Variants in ZZEF1 observed in about 807,000 individuals in gnomAD.
ZZEF1 encodes the protein zinc finger ZZ-type and EF-hand domain containing 1.
A neutral mutation model predicts 342.8 loss-of-function variants in ZZEF1; 157 were observed. The observed-to-expected ratio is 0.46, with a 90% CI of 0.40 to 0.52. The LOEUF (loss-of-function observed/expected upper bound fraction) is 0.52. Ranked by LOEUF, ZZEF1 falls within the 20% of genes least tolerant of loss-of-function variation. The probability of loss-of-function intolerance (pLI) is 0.00; values close to 1 mark genes in which losing one functional copy is unlikely to be tolerated. For synonymous variants in ZZEF1, 1,505 were observed against 1,429.1 expected, an observed-to-expected ratio of 1.05 and a Z score of -1.20; for missense variants, 3,480 against 3,725.6, an observed-to-expected ratio of 0.93 and a Z score of 1.72.
In ZZEF1 at chr17:4,048,873, ATTTTT is replaced by A. The variant is rs71144157; in HGVS notation, c.6015+830_6015+834del. ...CAGGCACGTGACACCAGCCTGGATA[ATTTTT>A]TTTTTTTTTTTTTGTATTTTTAGTA... On this transcript the variant is annotated intron_variant, in intron 37 of 54. Transcript: ENST00000381638. Among the ~76,000 whole-genome samples the A allele has an allele frequency of 3.0e-5, 4 of 133,756 alleles. No homozygotes were observed. In the East Asian group the frequency reaches 6.6e-4, roughly 22 times the overall value. 87.7% of individuals were successfully genotyped at this position (133,756 alleles called of 152,430 possible).
At chr17:4,063,566 T>C (rs1265743208) in intron 29 of ZZEF1, among the ~76,000 whole-genome samples, 1 of 152,134 alleles carries the variant, frequency 6.6e-6, no homozygotes, top group Non-Finnish European at 1.5e-5. Flanking sequence ...TGAAAAAATA[T>C]CTTTTTTTTG....
chr17:4,076,512 A>C (rs747759709), intron 21 of ZZEF1, 125 bp downstream of exon 21: 292 of 1,282,204 alleles, frequency 2.3e-4, no homozygotes, highest in Non-Finnish European at 2.8e-4. Context: ...CCACTGATAA[A>C]ATCAAGGGAG....
At position 4,088,775 on chromosome 17, in the gene ZZEF1, G is replaced by A. The variant is rs758386214; in HGVS notation, c.2144C>T (p.Thr715Ile). 1 of 1,614,218 alleles carries A rather than the reference G, an allele frequency of 6.2e-7. No homozygotes were observed. The highest frequency in any genetic ancestry group is 1.1e-5 in the South Asian group (1 of 91,084). ...PARAEAEQSV[T>I]CAHCRKDTEE... Reference sequence around the variant, plus strand: ...TGTGTCCTTTCTGCAGTGTGCACAGGTGACGCTCTGTTCTGCTTCTGCTCT... The same window carrying A: ...TGTGTCCTTTCTGCAGTGTGCACAGATGACGCTCTGTTCTGCTTCTGCTCT... Residue 715 changes from threonine (T) to isoleucine (I), a missense_variant, in exon 13 of 55, where the codon ACC becomes ATC. Coordinates refer to ENST00000381638, the MANE Select transcript of ZZEF1 (RefSeq NM_015113.4).
chr17:4,042,618 G>C lies in ZZEF1; in HGVS notation c.6167-50C>G, dbSNP rs755970481. 31 of 1,584,862 alleles carry C rather than the reference G, an allele frequency of 2.0e-5. No individual in the cohort carries two copies. In the South Asian group the frequency reaches 3.2e-4, roughly 16 times the overall value. On this transcript the variant is annotated intron_variant, in intron 38 of 54. Transcript: ENST00000381638. ...AATTTGCCTGCATCTCCACATGTAT[G>C]AAGAGGCAAGTAAACCACTGCACTG...
In ZZEF1 at chr17:4,004,648, A is replaced by G. The variant is rs1281287330; in HGVS notation, c.*2242T>C. 1.3e-5 allele frequency: 2 copies of G among 152,524 alleles called. No individual in the cohort carries two copies. The highest frequency in any genetic ancestry group is 4.8e-5 in the African/African-American group (2 of 41,462). 9.4% of individuals were successfully genotyped at this position (152,524 alleles called of 1,614,324 possible). A position where few individuals can be genotyped will look rare whatever the true frequency, so the allele number is the denominator to read the frequency against. ...AAAATACGTCACTCCTCTCGTTAGG[A>G]ACAGTGTCTGTTTGTACAACAGGTA... On this transcript the variant is annotated 3_prime_UTR_variant, in exon 55 of 55. Transcript: ENST00000381638.
intron 21 of ZZEF1, among the ~76,000 whole-genome samples, 176 bp from the exon 22 acceptor site, chr17:4,075,605 C>T (rs900635854): frequency 6.6e-6 from 1 of 152,230 alleles, no homozygotes; most frequent in Admixed American, 6.5e-5. Context: ...GATCAACACA[C>T]GTCCACCACG....
In ZZEF1 at chr17:4,043,339, C is replaced by T. The variant is rs75709623; in HGVS notation, c.6167-771G>A. Among the ~76,000 whole-genome samples, 817 of 152,298 alleles carry T rather than the reference C, an allele frequency of 5.4e-3. 11 individuals are homozygous for T. Among genetic ancestry groups the T allele is most frequent in the African/African-American group, 0.019 (783 of 41,560 alleles). Reference sequence around the variant, plus strand: ...TGCTGATCCTCAGGGGAATGAGACTCCAGTGAATTTTGATGATTTGGATTG... The same window carrying T: ...TGCTGATCCTCAGGGGAATGAGACTTCAGTGAATTTTGATGATTTGGATTG... On this transcript the variant is annotated intron_variant, in intron 38 of 54. Coordinates refer to ENST00000381638, the MANE Select transcript of ZZEF1 (RefSeq NM_015113.4).
Position 4,032,246 on chromosome 17 carries a change from C to G in ZZEF1, c.6772G>C (p.Gly2258Arg). ...TTATCCATATAAACGCAGCGGGTTCCCACACAGAGGACCTAGAACGTGGTA... is the reference window on the plus strand; with the variant it reads ...TTATCCATATAAACGCAGCGGGTTCGCACACAGAGGACCTAGAACGTGGTA... Reference protein sequence around the residue: ...LVGFPQVLCVGTRCVYMDNAN... With the variant: ...LVGFPQVLCVRTRCVYMDNAN... The change falls in exon 42 of 55, where the codon GGA becomes CGA. Residue 2258 changes from glycine to arginine, a missense_variant. By Grantham distance (125) the Gly-to-Arg change is moderately radical. This residue lies in a region of ZZEF1 where 1,269 missense variants were observed against 1,342.4 expected (regional missense o/e 0.95). Transcript: ENST00000381638. 1 of 1,612,228 alleles carries G rather than the reference C, an allele frequency of 6.2e-7. No individual in the cohort carries two copies. Among genetic ancestry groups the G allele is most frequent in the Non-Finnish European group, 8.5e-7 (1 of 1,179,456 alleles).
chr17:4,132,710 TAATCCC>T (rs2145593068), intron 1 of ZZEF1, among the ~76,000 whole-genome samples: 1 of 104,420 alleles, frequency 9.6e-6, no homozygotes, highest in Non-Finnish European at 2.4e-5. Context: ...CGGGCGCCTG[TAATCCC>T]AGCACTTTGG....
intron 29 of ZZEF1, among the ~76,000 whole-genome samples, chr17:4,063,203 A>C (rs538828323): frequency 1.3e-5 from 2 of 152,330 alleles, no homozygotes; most frequent in South Asian, 4.1e-4. Context: ...ATAGAGACAA[A>C]GCCTTAATTC....
At chr17:4,083,625 A>ACGC (rs1255580260) in intron 16 of ZZEF1, among the ~76,000 whole-genome samples, 1 of 96,990 alleles carries the variant, frequency 1.0e-5, no homozygotes, top group East Asian at 2.6e-4. Flanking sequence ...ACCACATTTT[A>ACGC]TGCTTTTGTT....
At chr17:4,102,843 C>T (rs562339479) in intron 8 of ZZEF1, among the ~76,000 whole-genome samples, 3 of 151,652 alleles carry the variant, frequency 2.0e-5, no homozygotes, top group East Asian at 3.9e-4. Flanking sequence ...ATTTCTGTTT[C>T]AAGAATTAGA....
intron 2 of ZZEF1, 101 bp downstream of exon 2, chr17:4,123,805 TG>T: frequency 7.5e-7 from 1 of 1,335,450 alleles, no homozygotes; most frequent in Non-Finnish European, 1.0e-6. Context: ...TGAACACTGT[TG>T]GGGGAGTTTA....
chr17:4,076,058 C>T (rs538660617), intron 21 of ZZEF1: 1 of 152,138 alleles, frequency 6.6e-6, no homozygotes, highest in Admixed American at 6.5e-5. Context: ...TTTTGTCACT[C>T]ACTTACATGG....
chr17:4,044,263 C>T lies in ZZEF1; in HGVS notation c.6127G>A (p.Asp2043Asn). Residue 2043 changes from aspartate (D) to asparagine (N), a missense_variant, in exon 38 of 55, where the codon GAT becomes AAT. Coordinates refer to ENST00000381638, the MANE Select transcript of ZZEF1 (RefSeq NM_015113.4). ...KDPSCQTQIS[D>N]SPADASPPTG... ...GGTGGGCTAGCATCTGCAGGTGAAT[C>T]TGAAATTTGGGTCTGGCATGAAGGA... 6.2e-7 allele frequency: 1 copy of T among 1,614,156 alleles called. No individual in the cohort carries two copies.
At chr17:4,057,439 A>T (rs1355531063) in intron 32 of ZZEF1, among the ~76,000 whole-genome samples, 1 of 151,934 alleles carries the variant, frequency 6.6e-6, no homozygotes, top group Non-Finnish European at 1.5e-5. Flanking sequence ...CCTCTTTTCT[A>T]CACATGAATG....
chr17:4,031,319 A>C (rs867498752), intron 42 of ZZEF1, among the ~76,000 whole-genome samples: 3 of 150,278 alleles, frequency 2.0e-5, no homozygotes, highest in Middle Eastern at 3.4e-3. Flanking sequence ...TGGTCTCAAA[A>C]ATAAATAAAT....
At chr17:4,067,975 G>A (rs1413972803) in intron 26 of ZZEF1, among the ~76,000 whole-genome samples, 2 of 152,158 alleles carry the variant, frequency 1.3e-5, no homozygotes, top group East Asian at 3.9e-4. Flanking sequence ...CTACTAGGGA[G>A]GCTGAGGTAG....
intron 1 of ZZEF1, among the ~76,000 whole-genome samples, chr17:4,136,793 CCT>C (rs1483116325): frequency 6.6e-6 from 1 of 152,118 alleles, no homozygotes; most frequent in Admixed American, 6.6e-5. Flanking sequence ...CGTGCCATGC[CCT>C]CTCACTCCAG....
Sources: gnomAD v4.1 joint callset for allele counts (sites outside exome capture counted in the v4.1 genomes callset) on GRCh38, gnomAD v4.1.1 for gene constraint, gnomAD v4.1.1 regional missense constraint, MANE v1.5 for transcripts, NCBI Gene and HGNC (gene_info 2026-07-23, HGNC 2026-07-21) for gene names.